Variants in ACER1 observed in about 807,000 individuals in gnomAD.
ACER1 encodes the protein alkaline ceramidase 1.
In ACER1, 28 loss-of-function variants were observed where a neutral mutation model predicts 24.9. The observed-to-expected ratio is 1.13, with a 90% CI of 0.83 to 1.54. The LOEUF (loss-of-function observed/expected upper bound fraction) is 1.54. ACER1 is among the 40% of genes most tolerant of loss of function. The pLI is 0.00. For missense variants in ACER1, 352 were observed against 349.3 expected (o/e 1.01, Z -0.06); for synonymous variants, 132 against 131.4 (o/e 1.00, Z -0.03).
At chr19:6,323,803 T>G (rs1363458445) in intron 1 of ACER1, among the ~76,000 whole-genome samples, 1 of 152,112 alleles carries the variant, frequency 6.6e-6, no homozygotes, top group African/African-American at 2.4e-5. Context: ...GAGGCATGAG[T>G]GGATCTCACA....
the ACER1 span, among the ~76,000 whole-genome samples, chr19:6,348,465 GAAAAAA>G: frequency 2.0e-5 from 2 of 101,900 alleles, no homozygotes; most frequent in Admixed American, 2.2e-4. Context: ...ACTCCATCTG[GAAAAAA>G]AAAAAAAAAA....
upstream of ACER1, among the ~76,000 whole-genome samples, chr19:6,337,106 A>G (rs112619425): frequency 0.05 from 7,455 of 150,226 alleles, 274 homozygotes; most frequent in African/African-American, 0.11. Context: ...AACCCAGAAA[A>G]CGGAGGTTGC....
In ACER1 at chr19:6,312,555, C is replaced by T. The variant is rs1257450297; in HGVS notation, c.94-56G>A. On this transcript the variant is annotated intron_variant, in intron 1 of 5. Coordinates refer to ENST00000301452, the MANE Select transcript of ACER1 (RefSeq NM_133492.3). The stretch of plus-strand genomic sequence containing the variant: ...CGTCAGATAGGGGAGACGGAGGAGG[C>T]TGCCCTCTGTCCAGACACTCAGTCA... The T allele has an allele frequency of 2.8e-6, 4 of 1,420,856 alleles. No homozygotes were observed. In the African/African-American group the frequency reaches 4.2e-5, roughly 15 times the overall value. 88.0% of individuals were successfully genotyped at this position (1,420,856 alleles called of 1,614,324 possible).
chr19:6,307,762 G>T (rs111409633), intron 4 of ACER1, among the ~76,000 whole-genome samples: 1 of 151,988 alleles, frequency 6.6e-6, no homozygotes, highest in Non-Finnish European at 1.5e-5. Context: ...CTGCACTCCG[G>T]CCTGGGTGAC....
chr19:6,335,043 C>T (rs1360056718), upstream of ACER1, among the ~76,000 whole-genome samples: 5 of 143,198 alleles, frequency 3.5e-5, no homozygotes, highest in Non-Finnish European at 7.6e-5. Flanking sequence ...TATATAATAG[C>T]AATATTATAT....
At chr19:6,339,666 G>GTTTTTGT in the ACER1 span, among the ~76,000 whole-genome samples, 101 of 152,102 alleles carry the variant, frequency 6.6e-4, no homozygotes, top group African/African-American at 2.3e-3. Context: ...TAGGGTTTTT[G>GTTTTTGT]TTTTTGTTTT....
intron 1 of ACER1, among the ~76,000 whole-genome samples, chr19:6,313,457 G>A (rs559234246): frequency 6.6e-6 from 1 of 152,226 alleles, no homozygotes; most frequent in South Asian, 2.1e-4. Context: ...GTTTGAACTG[G>A]GCACACAGCT....
the ACER1 span, among the ~76,000 whole-genome samples, chr19:6,352,615 C>T: frequency 6.6e-6 from 1 of 152,182 alleles, no homozygotes; most frequent in African/African-American, 2.4e-5. Context: ...GGTGTATGAA[C>T]AACTCTGCCA....
At chr19:6,317,431 G>C (rs560805538) in intron 1 of ACER1, among the ~76,000 whole-genome samples, 1 of 152,192 alleles carries the variant, frequency 6.6e-6, no homozygotes. Flanking sequence ...GATGGGACAG[G>C]GGCCATGCCA....
At chr19:6,338,232 T>C (rs981990728), upstream of ACER1, among the ~76,000 whole-genome samples, 1 of 152,170 alleles carries the variant, frequency 6.6e-6, no homozygotes, top group African/African-American at 2.4e-5. Flanking sequence ...GCTCAAGCAA[T>C]CTTCTCACCT....
At chr19:6,359,461 G>C in the ACER1 span, among the ~76,000 whole-genome samples, 7 of 151,856 alleles carry the variant, frequency 4.6e-5, no homozygotes, top group South Asian at 1.2e-3. Context: ...TGGGATTACA[G>C]GCATTCACCA....
At chr19:6,340,347 GGAAGGAAGGAAGGAAGGAAGGAAGGAA>G in the ACER1 span, among the ~76,000 whole-genome samples, 2 of 138,342 alleles carry the variant, frequency 1.4e-5, no homozygotes, top group African/African-American at 5.5e-5. Flanking sequence ...AAGGAAGGAA[GGAAGGAAGGAAGGAAGGAAGGAAGGAA>G]GAAAAACAGA....
the ACER1 span, among the ~76,000 whole-genome samples, chr19:6,351,163 G>C: frequency 6.7e-6 from 1 of 149,506 alleles, no homozygotes; most frequent in South Asian, 2.1e-4. Flanking sequence ...TCAAGAGATC[G>C]AGACCATCCT....
the ACER1 span, among the ~76,000 whole-genome samples, chr19:6,356,860 C>A: frequency 0.019 from 2,902 of 151,916 alleles, 42 homozygotes; most frequent in South Asian, 0.054. Flanking sequence ...TGCACCAGAG[C>A]CAAACAAGAT....
At chr19:6,313,215 C>T (rs1052983909) in intron 1 of ACER1, among the ~76,000 whole-genome samples, 2 of 151,520 alleles carry the variant, frequency 1.3e-5, no homozygotes, top group Non-Finnish European at 2.9e-5. Flanking sequence ...ATCAGCTGAG[C>T]TCAGAGGATC....
chr19:6,336,384 T>C (rs1457172594), upstream of ACER1, among the ~76,000 whole-genome samples: 1 of 152,070 alleles, frequency 6.6e-6, no homozygotes, highest in South Asian at 2.1e-4. Flanking sequence ...GTCACACAGT[T>C]AGGAAGTGAT....
intron 1 of ACER1, among the ~76,000 whole-genome samples, chr19:6,332,738 T>G (rs2091694420): frequency 6.6e-6 from 1 of 152,056 alleles, no homozygotes; most frequent in Non-Finnish European, 1.5e-5. Flanking sequence ...TGGCACAATC[T>G]CAGCTCACTG....
rs1033110906 is a variant in ACER1, at chr19:6,306,318, G to C, written c.*396C>G. The C allele has an allele frequency of 6.1e-6, 1 of 162,700 alleles. No homozygotes were observed. Among genetic ancestry groups the C allele is most frequent in the Non-Finnish European group, 1.3e-5 (1 of 74,526 alleles). 10.1% of individuals were successfully genotyped at this position (162,700 alleles called of 1,614,324 possible). A position where few individuals can be genotyped will look rare whatever the true frequency, so the allele number is the denominator to read the frequency against. On this transcript the variant is annotated 3_prime_UTR_variant, in exon 6 of 6. Transcript: ENST00000301452. ...CCACCTCGGCCTCCCAAAGTGCTGGGATTATAGGCGTGAGCCACCGTTCCC... is the reference window on the plus strand; with the variant it reads ...CCACCTCGGCCTCCCAAAGTGCTGGCATTATAGGCGTGAGCCACCGTTCCC...
the ACER1 span, among the ~76,000 whole-genome samples, chr19:6,345,113 T>C: frequency 6.6e-6 from 1 of 151,862 alleles, no homozygotes; most frequent in Admixed American, 6.6e-5. Flanking sequence ...AAGGCTGGTC[T>C]CAAACTCCTG....
Sources: allele counts gnomAD v4.1 joint callset (sites outside exome capture counted in the v4.1 genomes callset), GRCh38; gene constraint gnomAD v4.1.1; transcripts MANE v1.5; gene names NCBI Gene and HGNC (gene_info 2026-07-23, HGNC 2026-07-21).